The following SPAG17 variants were observed in gnomAD, a reference collection of about 807,000 sequenced individuals.
The protein encoded by SPAG17 is sperm associated antigen 17.
A neutral mutation model predicts 273.6 loss-of-function variants in SPAG17; 169 were observed. That is an observed-to-expected ratio of 0.62 (90% CI 0.55 to 0.70). The LOEUF (loss-of-function observed/expected upper bound fraction) is 0.70. SPAG17 is among the 30% of genes least tolerant of loss of function. The pLI, the probability that SPAG17 is intolerant of heterozygous loss-of-function variation, is 0.00. For synonymous variants in SPAG17, 825 were observed against 873.2 expected (o/e 0.94, Z 0.97); for missense variants, 2,557 against 2,627.8 (o/e 0.97, Z 0.59).
At chr1:118,139,754 T>C (rs900527951) in intron 3 of SPAG17, among the ~76,000 whole-genome samples, 1 of 146,742 alleles carries the variant, frequency 6.8e-6, no homozygotes, top group Non-Finnish European at 1.5e-5. Context: ...ATCAAACTCA[T>C]AGAAGCAGAA....
At chr1:118,111,656 T>C (rs950615914) in intron 4 of SPAG17, among the ~76,000 whole-genome samples, 8 of 151,716 alleles carry the variant, frequency 5.3e-5, no homozygotes, top group Non-Finnish European at 1.0e-4. Context: ...CTGGAAGGTG[T>C]CTGTGAAAAC....
chr1:117,979,089 A>C (rs908889369), intron 43 of SPAG17, among the ~76,000 whole-genome samples: 1 of 151,946 alleles, frequency 6.6e-6, no homozygotes, highest in Non-Finnish European at 1.5e-5. Context: ...GGCTGGTCTC[A>C]AACTCTTGAC....
At chr1:118,038,643 C>A (rs1649369595) in intron 23 of SPAG17, among the ~76,000 whole-genome samples, 1 of 152,060 alleles carries the variant, frequency 6.6e-6, no homozygotes. Flanking sequence ...AACTTAAATG[C>A]ATATTACTAA....
intron 4 of SPAG17, among the ~76,000 whole-genome samples, chr1:118,106,296 G>A (rs1656393793): frequency 6.6e-6 from 1 of 152,060 alleles, no homozygotes; most frequent in Non-Finnish European, 1.5e-5. Flanking sequence ...ATCTCGTCAA[G>A]TCTTCACAAT....
chr1:118,147,778 T>C (rs1360352367), intron 3 of SPAG17, among the ~76,000 whole-genome samples: 1 of 152,196 alleles, frequency 6.6e-6, no homozygotes, highest in African/African-American at 2.4e-5. Context: ...CACTTAGGAA[T>C]GTGGTCTTTG....
chr1:118,179,406 A>G (rs1303126766), intron 1 of SPAG17, among the ~76,000 whole-genome samples: 1 of 152,036 alleles, frequency 6.6e-6, no homozygotes, highest in Non-Finnish European at 1.5e-5. Flanking sequence ...GAATGAAACT[A>G]GACCCCTGTC....
At position 118,055,799 on chromosome 1, in the gene SPAG17, A is replaced by G. The variant is rs186279813; in HGVS notation, c.2656T>C (p.Leu886=). The change falls in exon 19 of 49, where the codon TTG becomes CTG. Residue 886 remains leucine, a synonymous_variant. Coordinates refer to ENST00000336338, the MANE Select transcript of SPAG17 (RefSeq NM_206996.4). ...AGTTTGGCATTAGCAGAAGATTTCA[A>G]TTCCAGCTCAGCTCTGGTCCTGATG... ...KIIRTRAELE[L]KSSANAKLTS... 1.9e-6 allele frequency: 3 copies of G among 1,613,202 alleles called. No homozygotes were observed. Among genetic ancestry groups the G allele is most frequent in the East Asian group, 4.5e-5 (2 of 44,766 alleles).
intron 24 of SPAG17, among the ~76,000 whole-genome samples, chr1:118,035,257 A>G (rs1226261512): frequency 6.6e-6 from 1 of 152,230 alleles, no homozygotes; most frequent in Non-Finnish European, 1.5e-5. Flanking sequence ...ATAACTTGAA[A>G]TTAGGAACAT....
chr1:118,026,990 A>G (rs953177846), intron 26 of SPAG17, among the ~76,000 whole-genome samples: 1 of 152,208 alleles, frequency 6.6e-6, no homozygotes, highest in African/African-American at 2.4e-5. Context: ...CTACCCTAAC[A>G]TAAGGAGGAA....
At position 118,005,552 on chromosome 1, in the gene SPAG17, A is replaced by G. The variant is rs756278376; in HGVS notation, c.4638T>C (p.Ala1546=). ...GSLYIDKDCS[A]VYCHESSSNI... ...TACTGCTTGACTCATGGCAGTACAC[A>G]GCTGAACAATCCTTGTCAATATAAA... Residue 1546 remains alanine, a synonymous_variant, in exon 32 of 49, where the codon GCT becomes GCC. Coordinates refer to ENST00000336338, the MANE Select transcript of SPAG17 (RefSeq NM_206996.4). 2 of 1,600,364 alleles carry G rather than the reference A, an allele frequency of 1.2e-6. No homozygotes were observed. Among genetic ancestry groups the G allele is most frequent in the South Asian group, 2.3e-5 (2 of 87,166 alleles).
chr1:118,171,349 C>A (rs1660408329), intron 1 of SPAG17, among the ~76,000 whole-genome samples: 1 of 152,104 alleles, frequency 6.6e-6, no homozygotes, highest in Non-Finnish European at 1.5e-5. Context: ...GGGAATATGG[C>A]ATGCTTTCAA....
intron 19 of SPAG17, 95 bp from the exon 20 acceptor site, chr1:118,054,188 C>T: frequency 4.2e-6 from 3 of 710,172 alleles, no homozygotes; most frequent in Non-Finnish European, 7.0e-6. Flanking sequence ...CAAAGGCTTT[C>T]AAGTTCAACT....
chr1:117,959,343 G>T (rs768211246), intron 48 of SPAG17: 1 of 1,613,744 alleles, frequency 6.2e-7, no homozygotes, highest in East Asian at 2.2e-5. Context: ...GAGGGAATGC[G>T]AGGCAAAAAG....
chr1:117,956,122 T>G (rs1448317075), intron 48 of SPAG17, among the ~76,000 whole-genome samples: 1 of 152,206 alleles, frequency 6.6e-6, no homozygotes, highest in Non-Finnish European at 1.5e-5. Context: ...TGACCATTTG[T>G]ATTTTGTCCT....
At chr1:117,960,445 T>C (rs1428210276) in intron 48 of SPAG17, 1 of 152,194 alleles carries the variant, frequency 6.6e-6, no homozygotes, top group Non-Finnish European at 1.5e-5. Flanking sequence ...ATGTCATCTG[T>C]TTATAAAATG....
chr1:118,007,908 T>C, intron 31 of SPAG17, 136 bp downstream of exon 31: 1 of 836,532 alleles, frequency 1.2e-6, no homozygotes, highest in African/African-American at 1.7e-5. Context: ...AAGTATATTC[T>C]AAGATGTTAG....
chr1:118,100,812 AT>A (rs1271572125), intron 5 of SPAG17, among the ~76,000 whole-genome samples: 2 of 152,180 alleles, frequency 1.3e-5, no homozygotes, highest in Admixed American at 1.3e-4. Context: ...AGGATGAATC[AT>A]TTTTATATTA....
At position 118,081,155 on chromosome 1, in the gene SPAG17, G is replaced by A. The variant is rs1219826104; in HGVS notation, c.2155C>T (p.Gln719Ter). The A allele has an allele frequency of 1.2e-6, 2 of 1,613,876 alleles. No homozygotes were observed. Among genetic ancestry groups the A allele is most frequent in the African/African-American group, 1.3e-5 (1 of 74,970 alleles). The change falls in exon 15 of 49, where the codon CAG becomes TAG. Residue 719 changes from glutamine to a stop codon, truncating the protein, a stop_gained. Transcript: ENST00000336338. LOFTEE classifies it high-confidence loss of function. The stretch of plus-strand genomic sequence containing the variant: ...ATGATGCTCTCCTGCTCTAACAGCT[G>A]TCTATTATCAGGGACTGAGAGTTTG... ...NLKLSVPDNR[Q>*]LLEQESIMKA...
rs1406328938 is a variant in SPAG17, at chr1:118,086,895, G to C, written c.1473C>G (p.Leu491=). Reference sequence around the variant, plus strand: ...CCTTTTTCTCCCTCTCTGAGAGACAGAGTGAGGGCAGAAGGGACACAATGT... The same window carrying C: ...CCTTTTTCTCCCTCTCTGAGAGACACAGTGAGGGCAGAAGGGACACAATGT... The part of the protein sequence containing the change: ...AAHIVSLLPS[L]CLSEREKKNL... Residue 491 remains leucine, a synonymous_variant, in exon 11 of 49, where the codon CTC becomes CTG. Coordinates refer to ENST00000336338, the MANE Select transcript of SPAG17 (RefSeq NM_206996.4). The C allele has an allele frequency of 6.2e-7, 1 of 1,613,950 alleles. No individual in the cohort carries two copies. Among genetic ancestry groups the C allele is most frequent in the Non-Finnish European group, 8.5e-7 (1 of 1,179,996 alleles).
Sources: allele counts gnomAD v4.1 joint callset (sites outside exome capture counted in the v4.1 genomes callset), GRCh38; gene constraint gnomAD v4.1.1; transcripts MANE v1.5; gene names NCBI Gene and HGNC (gene_info 2026-07-23, HGNC 2026-07-21).